GPHN: variants seen among roughly 807,000 people sequenced by gnomAD.
GPHN encodes the protein gephyrin.
In GPHN, 17 loss-of-function variants were observed where a neutral mutation model predicts 95.5. The ratio of observed to expected loss-of-function variants is 0.18; its 90% CI spans 0.12 to 0.27. GPHN has a LOEUF of 0.27. GPHN is among the 10% of genes least tolerant of loss of function. The probability of loss-of-function intolerance (pLI) is 1.00; values close to 1 mark genes in which losing one functional copy is unlikely to be tolerated. For missense variants in GPHN, 660 were observed against 978.1 expected, an observed-to-expected ratio of 0.67 and a Z score of 4.34; for synonymous variants, 320 against 322.5, an observed-to-expected ratio of 0.99 and a Z score of 0.08.
At chr14:67,250,652 C>A in the GPHN span, among the ~76,000 whole-genome samples, 1 of 152,242 alleles carries the variant, frequency 6.6e-6, no homozygotes, top group Non-Finnish European at 1.5e-5. Context: ...ACCCCAGATA[C>A]AGGTCTCTGA....
intron 10 of GPHN, among the ~76,000 whole-genome samples, chr14:67,057,197 G>GC (rs2075620637): frequency 6.6e-6 from 1 of 152,184 alleles, no homozygotes; most frequent in Non-Finnish European, 1.5e-5. Context: ...GGTGCCAAGA[G>GC]TGAGTGGGGG....
intron 1 of GPHN, among the ~76,000 whole-genome samples, chr14:66,624,813 A>T (rs1015124954): frequency 5.3e-5 from 8 of 152,172 alleles, no homozygotes; most frequent in Non-Finnish European, 1.2e-4. Flanking sequence ...TCTAACTCCT[A>T]CCTTAGACAG....
intron 9 of GPHN, 117 bp downstream of exon 9, chr14:66,965,442 A>G (rs994158019): frequency 3.7e-5 from 36 of 964,068 alleles, no homozygotes; most frequent in Non-Finnish European, 4.8e-5. Flanking sequence ...ACTGTGAAAA[A>G]TGAATAAAGT....
chr14:66,796,303 A>G (rs2060153934), intron 3 of GPHN, among the ~76,000 whole-genome samples: 1 of 151,910 alleles, frequency 6.6e-6, no homozygotes, highest in Admixed American at 6.6e-5. Flanking sequence ...GCAAATATCT[A>G]TTCAATATAT....
At chr14:67,098,230 G>T (rs117023397) in intron 12 of GPHN, among the ~76,000 whole-genome samples, 1 of 152,076 alleles carries the variant, frequency 6.6e-6, no homozygotes, top group Non-Finnish European at 1.5e-5. Flanking sequence ...TAGAAGCAGC[G>T]TCTAGGTTTA....
At chr14:66,584,158 G>A (rs1161761757) in intron 1 of GPHN, among the ~76,000 whole-genome samples, 1 of 152,026 alleles carries the variant, frequency 6.6e-6, no homozygotes, top group Non-Finnish European at 1.5e-5. Flanking sequence ...ATTGTGAATG[G>A]GAGTTCACTC....
At chr14:66,881,168 G>A (rs551502240) in intron 5 of GPHN, among the ~76,000 whole-genome samples, 47 of 152,016 alleles carry the variant, frequency 3.1e-4, no homozygotes, top group Middle Eastern at 3.4e-3. Context: ...TGGGTCATTA[G>A]TTACTATGTT....
At chr14:67,333,102 G>C in the GPHN span, 5 of 655,900 alleles carry the variant, frequency 7.6e-6, no homozygotes, top group African/African-American at 9.2e-5. Flanking sequence ...TTGAATTAGT[G>C]AGACGACAGT....
the GPHN span, chr14:67,384,706 T>A: frequency 3.3e-5 from 5 of 152,166 alleles, no homozygotes; most frequent in Non-Finnish European, 7.3e-5. Flanking sequence ...TTATGAAGGT[T>A]TGTTCCTTTG....
chr14:67,521,335 C>A, the GPHN span, among the ~76,000 whole-genome samples: 1 of 152,134 alleles, frequency 6.6e-6, no homozygotes, highest in Admixed American at 6.5e-5. Context: ...ACTAAGGATG[C>A]CCTTGAATAT....
At chr14:67,138,714 A>G (rs995311959) in intron 17 of GPHN, among the ~76,000 whole-genome samples, 3 of 152,048 alleles carry the variant, frequency 2.0e-5, no homozygotes, top group African/African-American at 7.2e-5. Flanking sequence ...AAGCAAATTT[A>G]TGATGTGAAT....
chr14:67,575,976 T>TA, the GPHN span: 1 of 1,613,402 alleles, frequency 6.2e-7, no homozygotes, highest in Non-Finnish European at 8.5e-7. Context: ...CAGCCCCACC[T>TA]ACCTCCTCAT....
At chr14:67,159,082 A>G (rs2081805022) in intron 18 of GPHN, among the ~76,000 whole-genome samples, 2 of 152,210 alleles carry the variant, frequency 1.3e-5, no homozygotes, top group African/African-American at 2.4e-5. Context: ...TAATGATATT[A>G]TACATTAATG....
At chr14:67,653,343 G>A in the GPHN span, 15 of 1,050,752 alleles carry the variant, frequency 1.4e-5, no homozygotes, top group Admixed American at 1.2e-4. Flanking sequence ...AACTGCTGAG[G>A]TGCTTTATGA....
chr14:66,901,639 C>A (rs991274692), intron 5 of GPHN, among the ~76,000 whole-genome samples: 2 of 151,882 alleles, frequency 1.3e-5, no homozygotes, highest in African/African-American at 4.8e-5. Context: ...CAGGTCTTTC[C>A]CCATTGTTTG....
the GPHN span, among the ~76,000 whole-genome samples, chr14:67,366,872 G>T: frequency 4.3e-5 from 6 of 138,276 alleles, no homozygotes; most frequent in East Asian, 2.0e-4. Flanking sequence ...CTTTTTTTTT[G>T]ACCTAAGTAC....
the GPHN span, among the ~76,000 whole-genome samples, chr14:67,554,326 T>C: frequency 1.3e-5 from 2 of 152,110 alleles, no homozygotes; most frequent in African/African-American, 4.8e-5. Context: ...CTGGTAAATA[T>C]CAGCTAGGGT....
intron 6 of GPHN, among the ~76,000 whole-genome samples, chr14:66,917,109 A>G (rs1366894231): frequency 6.6e-6 from 1 of 152,218 alleles, no homozygotes; most frequent in African/African-American, 2.4e-5. Context: ...ACTATATATC[A>G]TAGAAATTAG....
At chr14:67,707,042 A>T in the GPHN span, among the ~76,000 whole-genome samples, 1 of 152,224 alleles carries the variant, frequency 6.6e-6, no homozygotes, top group Admixed American at 6.5e-5. Context: ...GTAGGCAGGT[A>T]TGAAAGCGGT....
Sources: gnomAD v4.1 joint callset for allele counts (sites outside exome capture counted in the v4.1 genomes callset) on GRCh38, gnomAD v4.1.1 for gene constraint, MANE v1.5 for transcripts, NCBI Gene and HGNC (gene_info 2026-07-23, HGNC 2026-07-21) for gene names.